GALNT13: variants seen among roughly 807,000 people sequenced by gnomAD.
The protein encoded by GALNT13 is polypeptide N-acetylgalactosaminyltransferase 13.
GALNT13 carries 28 observed loss-of-function variants against 64.2 expected under a neutral mutation model. The ratio of observed to expected loss-of-function variants is 0.44; its 90% CI spans 0.32 to 0.60. The LOEUF (loss-of-function observed/expected upper bound fraction) is 0.60, where lower values mean the gene tolerates loss of function less well. GALNT13 is among the 20% of genes least tolerant of loss of function. The probability of loss-of-function intolerance (pLI) is 0.05; values close to 1 mark genes in which losing one functional copy is unlikely to be tolerated. For missense variants in GALNT13, 577 were observed against 669.8 expected (o/e 0.86, Z 1.53); for synonymous variants, 214 against 224.6 (o/e 0.95, Z 0.42).
chr2:154,148,746 G>A (rs541163352), intron 4 of GALNT13, among the ~76,000 whole-genome samples: 51 of 152,248 alleles, frequency 3.3e-4, no homozygotes, highest in African/African-American at 1.2e-3. Context: ...GTCTGTTCAT[G>A]TCCTTCGCCC....
At chr2:153,883,837 GAAT>G (rs1406307416) in intron 1 of GALNT13, among the ~76,000 whole-genome samples, 5 of 151,996 alleles carry the variant, frequency 3.3e-5, no homozygotes, top group African/African-American at 1.2e-4. Context: ...GCTCCAAAAT[GAAT>G]AATATTTTTA....
At chr2:154,315,972 C>T (rs766178565) in intron 9 of GALNT13, among the ~76,000 whole-genome samples, 1 of 152,094 alleles carries the variant, frequency 6.6e-6, no homozygotes, top group Admixed American at 6.5e-5. Context: ...CCTGTAATCC[C>T]AGCTACTCAG....
chr2:153,620,791 A>T, the GALNT13 span, among the ~76,000 whole-genome samples: 6 of 151,990 alleles, frequency 3.9e-5, 1 homozygote, highest in Middle Eastern at 6.8e-3. Flanking sequence ...TGATGAGGTT[A>T]AGTTTTCCTG....
At chr2:153,791,668 C>T in the GALNT13 span, among the ~76,000 whole-genome samples, 1 of 152,088 alleles carries the variant, frequency 6.6e-6, no homozygotes, top group Non-Finnish European at 1.5e-5. Context: ...AATATGGAAT[C>T]AACCTAAATG....
At chr2:153,861,550 T>G in the GALNT13 span, among the ~76,000 whole-genome samples, 2 of 133,952 alleles carry the variant, frequency 1.5e-5, no homozygotes, top group African/African-American at 5.5e-5. Context: ...CTTTTCTTTT[T>G]CTTTCTTTCT....
chr2:153,284,263 T>C, the GALNT13 span, among the ~76,000 whole-genome samples: 1 of 152,096 alleles, frequency 6.6e-6, no homozygotes, highest in Non-Finnish European at 1.5e-5. Context: ...CTCTTGTTGC[T>C]CAGGAGAAAC....
At chr2:153,216,126 A>G in the GALNT13 span, among the ~76,000 whole-genome samples, 8 of 152,160 alleles carry the variant, frequency 5.3e-5, 1 homozygote, top group African/African-American at 1.9e-4. Context: ...GTCCATTGAG[A>G]TTCACCAATA....
At chr2:154,014,111 C>T (rs1295349825) in intron 3 of GALNT13, among the ~76,000 whole-genome samples, 2 of 152,280 alleles carry the variant, frequency 1.3e-5, no homozygotes, top group East Asian at 1.9e-4. Flanking sequence ...GTTCCCAATC[C>T]GACTGTCACC....
intron 8 of GALNT13, among the ~76,000 whole-genome samples, chr2:154,287,741 T>C (rs1692356104): frequency 6.6e-6 from 1 of 152,110 alleles, no homozygotes; most frequent in African/African-American, 2.4e-5. Flanking sequence ...GAACTGCCTA[T>C]AAAGTAAATT....
At chr2:154,250,667 G>A (rs930507560) in intron 7 of GALNT13, among the ~76,000 whole-genome samples, 8 of 151,840 alleles carry the variant, frequency 5.3e-5, no homozygotes, top group Non-Finnish European at 1.0e-4. Flanking sequence ...AAACACAAAT[G>A]TTACTCTTTA....
intron 8 of GALNT13, among the ~76,000 whole-genome samples, chr2:154,298,624 TTGTATATATA>T: frequency 4.1e-5 from 1 of 24,128 alleles, no homozygotes; most frequent in South Asian, 2.2e-3. Flanking sequence ...TATATATACA[TTGTATATATA>T]ATTTATATAT....
the GALNT13 span, among the ~76,000 whole-genome samples, chr2:153,665,947 G>C: frequency 6.6e-6 from 1 of 152,130 alleles, no homozygotes; most frequent in Non-Finnish European, 1.5e-5. Context: ...ATCCCTCAAT[G>C]CTTGCCCTGC....
At chr2:154,170,135 G>C (rs914721983) in intron 4 of GALNT13, among the ~76,000 whole-genome samples, 3 of 152,030 alleles carry the variant, frequency 2.0e-5, no homozygotes, top group Non-Finnish European at 4.4e-5. Flanking sequence ...TTTTAATCAG[G>C]GTTTCCAGCT....
chr2:154,152,784 G>T (rs1378389021), intron 4 of GALNT13, among the ~76,000 whole-genome samples: 1 of 152,126 alleles, frequency 6.6e-6, no homozygotes, highest in Non-Finnish European at 1.5e-5. Context: ...AGCTCCATCA[G>T]CTCATTTAAG....
intron 4 of GALNT13, among the ~76,000 whole-genome samples, chr2:154,192,032 C>T (rs1686614569): frequency 6.6e-6 from 1 of 152,118 alleles, no homozygotes; most frequent in Non-Finnish European, 1.5e-5. Flanking sequence ...ATGGGGGAAG[C>T]CAGAAAGGAG....
rs886456972 is a variant in GALNT13, at chr2:154,452,197, C to T, written c.*1646C>T. ...CCTCACCATGAGCTCTCTGTGAATC[C>T]GTGAATTTCCTAAAATTGTAAGCAA... On this transcript the variant is annotated 3_prime_UTR_variant, in exon 13 of 13. Coordinates refer to ENST00000392825, the MANE Select transcript of GALNT13 (RefSeq NM_052917.4). 6 of 151,922 alleles carry T rather than the reference C, an allele frequency of 3.9e-5. No homozygotes were observed. Among genetic ancestry groups the T allele is most frequent in the African/African-American group, 7.2e-5 (3 of 41,380 alleles). The allele number at this position is 151,922 out of a possible 1,614,324, so 9.4% of individuals were successfully genotyped here. A position where few individuals can be genotyped will look rare whatever the true frequency, so the allele number is the denominator to read the frequency against.
chr2:154,059,419 C>T (rs989935084), intron 3 of GALNT13, among the ~76,000 whole-genome samples: 1 of 152,122 alleles, frequency 6.6e-6, no homozygotes, highest in Admixed American at 6.5e-5. Context: ...TAATAATTTA[C>T]AATATAAAGG....
At chr2:154,156,562 G>T (rs1213685046) in intron 4 of GALNT13, among the ~76,000 whole-genome samples, 1 of 152,136 alleles carries the variant, frequency 6.6e-6, no homozygotes, top group Admixed American at 6.6e-5. Context: ...GCCCAGTGAA[G>T]TATATCATAT....
At chr2:153,517,696 G>A in the GALNT13 span, among the ~76,000 whole-genome samples, 173 of 152,242 alleles carry the variant, frequency 1.1e-3, no homozygotes, top group African/African-American at 3.9e-3. Context: ...TTCCATTAAT[G>A]TAGAAGGAAA....
Sources: gnomAD v4.1 joint callset for allele counts (sites outside exome capture counted in the v4.1 genomes callset) on GRCh38, gnomAD v4.1.1 for gene constraint, MANE v1.5 for transcripts, NCBI Gene and HGNC (gene_info 2026-07-23, HGNC 2026-07-21) for gene names.